ZNF892: variants seen among roughly 807,000 people sequenced by gnomAD.
The protein encoded by ZNF892 is zinc finger protein 892.
At chr2:95,250,926 T>C in the ZNF892 span, among the ~76,000 whole-genome samples, 1 of 148,106 alleles carries the variant, frequency 6.8e-6, no homozygotes, top group Non-Finnish European at 1.5e-5. Flanking sequence ...TACTTATTTA[T>C]ATAAGCATTT....
chr2:95,208,854 A>G, the ZNF892 span: 1 of 395,594 alleles, frequency 2.5e-6, no homozygotes. Context: ...ATCCTGATAA[A>G]CTGATGACTG....
At chr2:95,258,893 AC>A in the ZNF892 span, among the ~76,000 whole-genome samples, 1 of 152,166 alleles carries the variant, frequency 6.6e-6, no homozygotes, top group Admixed American at 6.5e-5. Context: ...CAGGAGAAAA[AC>A]AAACACATTT....
At chr2:95,257,134 A>G in the ZNF892 span, among the ~76,000 whole-genome samples, 1 of 152,116 alleles carries the variant, frequency 6.6e-6, no homozygotes, top group Admixed American at 6.5e-5. Flanking sequence ...ATTCCTTTGG[A>G]GGAGGAGAGG....
the ZNF892 span, among the ~76,000 whole-genome samples, chr2:95,227,140 T>C: frequency 2.2e-4 from 26 of 119,618 alleles, no homozygotes; most frequent in East Asian, 2.6e-3. Context: ...CTTCCTTCCT[T>C]CCTCCCTCCC....
the ZNF892 span, among the ~76,000 whole-genome samples, chr2:95,243,535 G>A: frequency 2.0e-5 from 3 of 150,784 alleles, no homozygotes; most frequent in South Asian, 2.1e-4. Flanking sequence ...GTCTCTGCCC[G>A]GCCGCCCCGT....
chr2:95,250,813 ATAAT>A, the ZNF892 span, among the ~76,000 whole-genome samples: 1 of 146,096 alleles, frequency 6.8e-6, no homozygotes, highest in African/African-American at 2.5e-5. Context: ...TAAATTATAA[ATAAT>A]TATAAATATT....
chr2:95,230,150 T>C, the ZNF892 span, among the ~76,000 whole-genome samples: 3 of 152,234 alleles, frequency 2.0e-5, no homozygotes, highest in East Asian at 3.9e-4. Flanking sequence ...TTCTCACTTA[T>C]AAGTGGGAGC....
the ZNF892 span, among the ~76,000 whole-genome samples, chr2:95,227,097 T>TCCCTC: frequency 6.9e-6 from 1 of 145,792 alleles, no homozygotes; most frequent in Admixed American, 6.9e-5. Context: ...TCCTCTCTCC[T>TCCCTC]CCCTCCCCTC....
the ZNF892 span, chr2:95,215,178 A>G: frequency 2.2e-6 from 1 of 455,878 alleles, no homozygotes; most frequent in Middle Eastern, 3.3e-4. Flanking sequence ...GCACCAGAGA[A>G]CTCATACTGG....
At chr2:95,209,745 C>T in the ZNF892 span, among the ~76,000 whole-genome samples, 1 of 152,148 alleles carries the variant, frequency 6.6e-6, no homozygotes, top group Non-Finnish European at 1.5e-5. Flanking sequence ...GAGTTGATTA[C>T]TGAGGTTTTC....
chr2:95,211,631 G>C, the ZNF892 span: 1 of 398,532 alleles, frequency 2.5e-6, no homozygotes, highest in African/African-American at 2.1e-5. Context: ...TTGATGATCA[G>C]GGATATGGCC....
chr2:95,207,475 G>C, the ZNF892 span: 1 of 227,688 alleles, frequency 4.4e-6, no homozygotes, highest in Non-Finnish European at 8.5e-6. Context: ...GCGGTGTTGG[G>C]AGTGAGGGCC....
At chr2:95,236,214 T>G in the ZNF892 span, among the ~76,000 whole-genome samples, 3 of 152,226 alleles carry the variant, frequency 2.0e-5, no homozygotes, top group Non-Finnish European at 4.4e-5. Context: ...TTTAGATTCT[T>G]GTTGAACCTA....
chr2:95,244,296 C>T, the ZNF892 span, among the ~76,000 whole-genome samples: 1 of 149,500 alleles, frequency 6.7e-6, no homozygotes, highest in African/African-American at 2.5e-5. Flanking sequence ...TCCTGTGACC[C>T]TGCCAAATCC....
the ZNF892 span, among the ~76,000 whole-genome samples, chr2:95,237,802 T>C: frequency 6.6e-6 from 1 of 152,228 alleles, no homozygotes; most frequent in African/African-American, 2.4e-5. Flanking sequence ...AACACAGCCT[T>C]ATTGCTGACA....
chr2:95,210,241 A>G, the ZNF892 span, among the ~76,000 whole-genome samples: 7 of 149,346 alleles, frequency 4.7e-5, no homozygotes, highest in Non-Finnish European at 7.4e-5. Flanking sequence ...GTATATATGT[A>G]TATATATATG....
At chr2:95,224,138 T>C in the ZNF892 span, among the ~76,000 whole-genome samples, 2 of 152,214 alleles carry the variant, frequency 1.3e-5, no homozygotes, top group Non-Finnish European at 2.9e-5. Flanking sequence ...TAAGAAATCA[T>C]TTATTGTTGT....
At chr2:95,262,993 G>A in the ZNF892 span, among the ~76,000 whole-genome samples, 1 of 152,216 alleles carries the variant, frequency 6.6e-6, no homozygotes, top group South Asian at 2.1e-4. Context: ...AGGTATGGCT[G>A]TGACACGACT....
the ZNF892 span, among the ~76,000 whole-genome samples, chr2:95,213,174 A>C: frequency 6.6e-6 from 1 of 152,144 alleles, no homozygotes; most frequent in African/African-American, 2.4e-5. Flanking sequence ...CTGTTCTTCA[A>C]CTTGAACTCT....
Sources: allele counts gnomAD v4.1 joint callset (sites outside exome capture counted in the v4.1 genomes callset), GRCh38; gene constraint gnomAD v4.1.1; transcripts MANE v1.5; gene names NCBI Gene and HGNC (gene_info 2026-07-23, HGNC 2026-07-21).